Variants in GALNT7 observed in about 807,000 individuals in gnomAD.
GALNT7 encodes the protein polypeptide N-acetylgalactosaminyltransferase 7, also known as N-acetylgalactosaminyltransferase 7.
In GALNT7, 60 loss-of-function variants were observed where a neutral mutation model predicts 82.1. The observed-to-expected ratio is 0.73, with a 90% CI of 0.59 to 0.91. The LOEUF (loss-of-function observed/expected upper bound fraction) is 0.91. Among genes scored for constraint, GALNT7 ranks in the 40% least tolerant of loss-of-function variants. The probability of loss-of-function intolerance (pLI) is 0.00; values close to 1 mark genes in which losing one functional copy is unlikely to be tolerated. For synonymous variants in GALNT7, 243 were observed against 275.1 expected (o/e 0.88, Z 1.15); for missense variants, 660 against 804.2 (o/e 0.82, Z 2.17).
intron 2 of GALNT7, among the ~76,000 whole-genome samples, chr4:173,290,067 A>G (rs1377242783): frequency 1.3e-5 from 2 of 152,224 alleles, no homozygotes; most frequent in Non-Finnish European, 2.9e-5. Context: ...TGCTGGGAAT[A>G]TGGTAGTGAG....
intron 1 of GALNT7, among the ~76,000 whole-genome samples, chr4:173,230,866 G>T (rs1734009850): frequency 6.6e-6 from 1 of 152,134 alleles, no homozygotes; most frequent in African/African-American, 2.4e-5. Context: ...ATTATCTTCT[G>T]CTGTCTTTAT....
At chr4:173,178,071 A>G (rs1262131460) in intron 1 of GALNT7, among the ~76,000 whole-genome samples, 22 of 141,280 alleles carry the variant, frequency 1.6e-4, no homozygotes, top group African/African-American at 2.7e-4. Flanking sequence ...GCGCGTGCGC[A>G]CAGACACCTA....
At chr4:173,215,027 C>T (rs1733395646) in intron 1 of GALNT7, among the ~76,000 whole-genome samples, 1 of 152,156 alleles carries the variant, frequency 6.6e-6, no homozygotes, top group South Asian at 2.1e-4. Context: ...GTAATCCTAT[C>T]ATGATCCCCT....
chr4:173,279,694 C>T (rs1736041111), intron 2 of GALNT7, among the ~76,000 whole-genome samples: 1 of 151,974 alleles, frequency 6.6e-6, no homozygotes, highest in African/African-American at 2.4e-5. Context: ...AAATGGAGGC[C>T]GGGCATGGTG....
chr4:173,233,635 G>A (rs1311972837), intron 1 of GALNT7, among the ~76,000 whole-genome samples: 4 of 152,204 alleles, frequency 2.6e-5, no homozygotes, highest in African/African-American at 9.6e-5. Flanking sequence ...AACAATGCCA[G>A]TATCTGCACC....
intron 8 of GALNT7, among the ~76,000 whole-genome samples, chr4:173,311,391 T>C (rs1424846654): frequency 6.6e-6 from 1 of 152,238 alleles, no homozygotes; most frequent in Admixed American, 6.5e-5. Flanking sequence ...TATAAAGATA[T>C]ACTTGAGACT....
intron 1 of GALNT7, among the ~76,000 whole-genome samples, chr4:173,247,052 T>C (rs545529997): frequency 6.6e-6 from 1 of 152,210 alleles, no homozygotes; most frequent in African/African-American, 2.4e-5. Context: ...TCGAAATGCT[T>C]AGACCAATTG....
At chr4:173,304,264 A>G in intron 8 of GALNT7, 146 bp downstream of exon 8, 1 of 611,150 alleles carries the variant, frequency 1.6e-6, no homozygotes, top group Non-Finnish European at 2.8e-6. Context: ...AGACTTATTC[A>G]CGAAATATCT....
intron 1 of GALNT7, among the ~76,000 whole-genome samples, chr4:173,178,038 T>G (rs1732112255): frequency 8.4e-6 from 1 of 118,638 alleles, no homozygotes; most frequent in Non-Finnish European, 1.7e-5. Context: ...TGTGTGTGTG[T>G]GTGTGTGTGT....
chr4:173,200,351 A>ATT (rs1732907598), intron 1 of GALNT7, among the ~76,000 whole-genome samples: 1 of 152,130 alleles, frequency 6.6e-6, no homozygotes, highest in Non-Finnish European at 1.5e-5. Context: ...ATCTGTTTAG[A>ATT]ACTATTTTCA....
At chr4:173,234,581 T>C (rs996450773) in intron 1 of GALNT7, among the ~76,000 whole-genome samples, 5 of 152,200 alleles carry the variant, frequency 3.3e-5, no homozygotes, top group Non-Finnish European at 4.4e-5. Flanking sequence ...CATGATTGGA[T>C]AGCAAAAGAA....
Position 173,238,436 on chromosome 4 carries a change from A to G in GALNT7, c.127-9544A>G, listed in dbSNP as rs528850226. 5.9e-5 allele frequency among the ~76,000 whole-genome samples: 9 copies of G among 152,296 alleles called. No individual in the cohort carries two copies. In the South Asian group the frequency reaches 1.4e-3, roughly 25 times the overall value. On this transcript the variant is annotated intron_variant, in intron 1 of 11. Coordinates refer to ENST00000265000, the MANE Select transcript of GALNT7 (RefSeq NM_017423.3). ...TTAAAATCTACTAGAGCCTTTTATTATTTCTAAAAAGTATAATTATCAGCC... is the reference window on the plus strand; with the variant it reads ...TTAAAATCTACTAGAGCCTTTTATTGTTTCTAAAAAGTATAATTATCAGCC...
intron 1 of GALNT7, among the ~76,000 whole-genome samples, chr4:173,243,548 G>C (rs1192982747): frequency 6.6e-6 from 1 of 152,194 alleles, no homozygotes. Context: ...GAAAGGAGGA[G>C]TATGTAGCTT....
intron 1 of GALNT7, among the ~76,000 whole-genome samples, chr4:173,193,136 A>G (rs1732673704): frequency 6.6e-6 from 1 of 152,238 alleles, no homozygotes; most frequent in South Asian, 2.1e-4. Context: ...GGACAAACAG[A>G]CAAAAAGGCT....
At chr4:173,316,533 C>T (rs921499956) in intron 9 of GALNT7, 13 of 152,240 alleles carry the variant, frequency 8.5e-5, no homozygotes, top group Non-Finnish European at 1.5e-4. Context: ...CAGGGGCCCA[C>T]ATTCACTGTG....
At chr4:173,239,570 A>C (rs749297807) in intron 1 of GALNT7, among the ~76,000 whole-genome samples, 3 of 152,194 alleles carry the variant, frequency 2.0e-5, no homozygotes, top group Non-Finnish European at 4.4e-5. Context: ...CAAAACAAAC[A>C]AACAAAACAG....
At chr4:173,229,572 C>T (rs1392307457) in intron 1 of GALNT7, among the ~76,000 whole-genome samples, 1 of 152,106 alleles carries the variant, frequency 6.6e-6, no homozygotes, top group Non-Finnish European at 1.5e-5. Context: ...GATTTGAATC[C>T]TACCTTTACT....
chr4:173,310,923 A>T (rs1009236852), intron 8 of GALNT7, among the ~76,000 whole-genome samples: 1 of 152,134 alleles, frequency 6.6e-6, no homozygotes, highest in African/African-American at 2.4e-5. Context: ...TTTAGTAGAG[A>T]CAGGGTTTCA....
chr4:173,310,782 C>T (rs1737355302), intron 8 of GALNT7, among the ~76,000 whole-genome samples: 1 of 152,116 alleles, frequency 6.6e-6, no homozygotes, highest in African/African-American at 2.4e-5. Context: ...GTTGCCCAGG[C>T]TAGAGTGCAA....
Sources: gnomAD v4.1 joint callset for allele counts (sites outside exome capture counted in the v4.1 genomes callset) on GRCh38, gnomAD v4.1.1 for gene constraint, MANE v1.5 for transcripts, NCBI Gene and HGNC (gene_info 2026-07-23, HGNC 2026-07-21) for gene names.